Variants in SYNM observed in about 807,000 individuals in gnomAD.
SYNM encodes the protein desmuslin.
SYNM carries 95 observed loss-of-function variants against 104.0 expected under a neutral mutation model. That is an observed-to-expected ratio of 0.91 (90% CI 0.77 to 1.08). SYNM has a LOEUF of 1.08. Among genes scored for constraint, SYNM ranks in the 50% least tolerant of loss-of-function variants. The pLI, the probability that SYNM is intolerant of heterozygous loss-of-function variation, is 0.00. For missense variants in SYNM, 2,150 were observed against 2,052.2 expected, an observed-to-expected ratio of 1.05 and a Z score of -0.92; for synonymous variants, 918 against 869.0, an observed-to-expected ratio of 1.06 and a Z score of -0.99.
chr15:99,138,006 G>A, downstream of SYNM: 1 of 1,614,098 alleles, frequency 6.2e-7, no homozygotes, highest in Non-Finnish European at 8.5e-7. Context: ...TCAGGGTGGG[G>A]GCCTCAGTCT....
At chr15:99,141,645 C>A in the SYNM span, among the ~76,000 whole-genome samples, 1 of 152,132 alleles carries the variant, frequency 6.6e-6, no homozygotes, top group Admixed American at 6.5e-5. Flanking sequence ...ACTACTGAAG[C>A]CTGTTTATTC....
At chr15:99,107,394 G>C (rs1005963169) in intron 1 of SYNM, among the ~76,000 whole-genome samples, 2 of 152,216 alleles carry the variant, frequency 1.3e-5, no homozygotes, top group Non-Finnish European at 2.9e-5. Flanking sequence ...TTGACCAGTG[G>C]TTATTTTGAC....
intron 1 of SYNM, among the ~76,000 whole-genome samples, chr15:99,111,788 T>C (rs1368867988): frequency 1.3e-5 from 2 of 152,240 alleles, no homozygotes; most frequent in Non-Finnish European, 2.9e-5. Context: ...CTTGTGCCTA[T>C]AATCCCAGCA....
At chr15:99,138,124 G>A (rs782500028), downstream of SYNM, 105 of 1,612,234 alleles carry the variant, frequency 6.5e-5, no homozygotes, top group Non-Finnish European at 6.9e-5. Context: ...CAACCTTGGG[G>A]GCCCTGCAGA....
chr15:99,139,343 G>C (rs1268961722), downstream of SYNM: 1 of 1,613,770 alleles, frequency 6.2e-7, no homozygotes, highest in East Asian at 2.2e-5. Context: ...TGGCCTGCTG[G>C]GTGGCCAGAG....
rs781907286 is a variant in SYNM at position 99,131,824 on chromosome 15, G to T, written c.3464G>T (p.Gly1155Val). 6.2e-7 allele frequency: 1 copy of T among 1,613,934 alleles called. No homozygotes were observed. Among genetic ancestry groups the T allele is most frequent in the Non-Finnish European group, 8.5e-7 (1 of 1,179,900 alleles). ...GCAGAAGTGGTGGAGGTAAGTGCGG[G>T]AGGTGACCTAAGTCAGGCAGCGAGC... is the stretch of plus-strand genomic sequence containing the variant. ...PTAEVVEVSA[G>V]GDLSQAASPT... Residue 1155 changes from glycine to valine, a missense_variant, in exon 4 of 4, where the codon GGA (glycine) becomes GTA (valine). Gly to Val is a moderately radical substitution (Grantham distance 109, BLOSUM62 -3). Transcript: ENST00000336292. This position sits in a 1 kb window ranked among gnomAD's most constrained non-coding sequence, Gnocchi z 4.3.
At chr15:99,120,238 A>G (rs1204308720) in intron 2 of SYNM, among the ~76,000 whole-genome samples, 1 of 152,200 alleles carries the variant, frequency 6.6e-6, no homozygotes, top group Non-Finnish European at 1.5e-5. Context: ...TGCTGGGCAG[A>G]TGATGGTGTG....
chr15:99,128,824 T>A (rs2067470855), intron 3 of SYNM: 1 of 154,698 alleles, frequency 6.5e-6, no homozygotes, highest in Non-Finnish European at 1.4e-5. Context: ...AAATAAAAGA[T>A]CAGAAAGCTT....
chr15:99,131,231 G>C lies in SYNM; in HGVS notation c.2871G>C (p.Glu957Asp), dbSNP rs1273838862. The C allele has an allele frequency of 1.9e-5, 30 of 1,609,440 alleles. No homozygotes were observed. The highest frequency in any genetic ancestry group is 2.5e-5 in the Non-Finnish European group (29 of 1,178,160). ...QQLVEVIGQL[E>D]ETLPERMREE... ...TGGTGGAGGTCATCGGGCAGCTGGA[G>C]GAAACCCTTCCCGAGCGCATGAGGG... Residue 957 changes from glutamate (E) to aspartate (D), a missense_variant, in exon 4 of 4, where the codon GAG (glutamate) becomes GAC (aspartate). Transcript: ENST00000336292. This position sits in a 1 kb window ranked among gnomAD's most constrained non-coding sequence, Gnocchi z 4.3.
At chr15:99,108,397 C>T (rs1211312373) in intron 1 of SYNM, among the ~76,000 whole-genome samples, 1 of 152,084 alleles carries the variant, frequency 6.6e-6, no homozygotes, top group Non-Finnish European at 1.5e-5. Context: ...AAATTGCATT[C>T]CAGAAGATTC....
Position 99,132,455 on chromosome 15 carries a change from T to C in SYNM, c.4095T>C (p.Val1365=), listed in dbSNP as rs782456047. 27 of 1,613,850 alleles carry C rather than the reference T, an allele frequency of 1.7e-5. No homozygotes were observed. In the Admixed American group the frequency reaches 4.5e-4, roughly 27 times the overall value. ...THSHTSGRQT[V]MTEKSTFQSV... The stretch of plus-strand genomic sequence containing the variant: ...GTCATACCTCGGGTAGACAAACCGT[T>C]ATGACTGAAAAGAGCACCTTCCAAA... The change falls in exon 4 of 4, where the codon GTT becomes GTC. Residue 1365 remains valine, a synonymous_variant. Coordinates refer to ENST00000336292, the MANE Select transcript of SYNM (RefSeq NM_145728.3).
downstream of SYNM, chr15:99,136,422 A>G (rs183658497): frequency 6.6e-6 from 1 of 152,314 alleles, no homozygotes; most frequent in Non-Finnish European, 1.5e-5. Context: ...AACAACAAAC[A>G]TTTATTTCTT....
At chr15:99,135,840 C>G (rs1216967396), downstream of SYNM, among the ~76,000 whole-genome samples, 7 of 152,192 alleles carry the variant, frequency 4.6e-5, no homozygotes, top group African/African-American at 1.7e-4. Context: ...ATACACTGGA[C>G]AATTTGTGGT....
At position 99,132,819 on chromosome 15, in the gene SYNM, C is replaced by A. The variant is rs782802487; in HGVS notation, c.4459C>A (p.Arg1487Ser). The A allele has an allele frequency of 2.5e-6, 4 of 1,613,282 alleles. No individual in the cohort carries two copies. In the Admixed American group the frequency reaches 5.0e-5, roughly 20 times the overall value. ...AGCGGGAGCTCTCGGTGTGTCTGAC[C>A]GTGGTTCCTGGAGAGACGCGGACAG... is the stretch of plus-strand genomic sequence containing the variant. The part of the protein sequence containing the change: ...QEAGALGVSD[R>S]GSWRDADSRN... The change falls in exon 4 of 4, where the codon CGT becomes AGT. Residue 1487 changes from arginine (R) to serine (S), a missense_variant. Arg to Ser is a moderately radical substitution (Grantham distance 110). Transcript: ENST00000336292.
chr15:99,109,232 G>C (rs893590233), intron 1 of SYNM, among the ~76,000 whole-genome samples: 2 of 152,212 alleles, frequency 1.3e-5, no homozygotes, highest in Non-Finnish European at 2.9e-5. Flanking sequence ...TGCCCGAGAA[G>C]AGTTTGCTGA....
At chr15:99,112,541 T>G (rs1422867196) in intron 1 of SYNM, among the ~76,000 whole-genome samples, 1 of 152,152 alleles carries the variant, frequency 6.6e-6, no homozygotes, top group South Asian at 2.1e-4. Context: ...GTGTGACTTG[T>G]ATGTGGTGGG....
At chr15:99,112,428 A>C (rs888634699) in intron 1 of SYNM, among the ~76,000 whole-genome samples, 4 of 152,208 alleles carry the variant, frequency 2.6e-5, no homozygotes, top group Admixed American at 6.5e-5. Context: ...TGAAGCCCAT[A>C]TGTTTGTTTG....
At position 99,131,658 on chromosome 15, in the gene SYNM, T is replaced by C; in HGVS notation, c.3298T>C (p.Ser1100Pro). Residue 1100 changes from serine (S) to proline (P), a missense_variant, in exon 4 of 4, where the codon TCG (serine) becomes CCG (proline). Coordinates refer to ENST00000336292, the MANE Select transcript of SYNM (RefSeq NM_145728.3). This position sits in a 1 kb window ranked among gnomAD's most constrained non-coding sequence, Gnocchi z 4.3. ...ACAGCGCACTCCCCAGGGCCCAGTG[T>C]CGGCCACTGTGGAGGTCAGCAGCCC... The part of the protein sequence containing the change: ...SGQRTPQGPV[S>P]ATVEVSSPTG... The C allele has an allele frequency of 1.2e-6, 2 of 1,612,022 alleles. No homozygotes were observed. Among genetic ancestry groups the C allele is most frequent in the African/African-American group, 1.3e-5 (1 of 75,054 alleles).
chr15:99,117,088 A>G (rs1034113471), intron 2 of SYNM, among the ~76,000 whole-genome samples: 1 of 144,394 alleles, frequency 6.9e-6, no homozygotes, highest in Admixed American at 7.1e-5. Flanking sequence ...CCATAACCCA[A>G]ACACCTTCCT....
Sources: allele counts gnomAD v4.1 joint callset (sites outside exome capture counted in the v4.1 genomes callset), GRCh38; gene constraint gnomAD v4.1.1; non-coding constraint Gnocchi (gnomAD v3.1); transcripts MANE v1.5; gene names NCBI Gene and HGNC (gene_info 2026-07-23, HGNC 2026-07-21).